The following DLG2 variants were observed in gnomAD, a reference collection of about 807,000 sequenced individuals.
The protein encoded by DLG2 is disks large homolog 2.
In DLG2, 45 loss-of-function variants were observed where a neutral mutation model predicts 132.5. The observed-to-expected ratio is 0.34, with a 90% CI of 0.27 to 0.44. DLG2 has a LOEUF of 0.44. Among genes scored for constraint, DLG2 ranks in the 20% least tolerant of loss-of-function variants. DLG2 has a pLI of 1.00. For missense variants in DLG2, 1,045 were observed against 1,196.9 expected, an observed-to-expected ratio of 0.87 and a Z score of 1.87; for synonymous variants, 424 against 419.6, an observed-to-expected ratio of 1.01 and a Z score of -0.13.
At chr11:84,726,767 C>T (rs1360344123) in intron 6 of DLG2, among the ~76,000 whole-genome samples, 2 of 152,152 alleles carry the variant, frequency 1.3e-5, no homozygotes. Context: ...ACATCCTCTC[C>T]AGCATCTGTT....
At chr11:83,553,498 G>C (rs953107367) in intron 19 of DLG2, among the ~76,000 whole-genome samples, 15 of 147,770 alleles carry the variant, frequency 1.0e-4, no homozygotes, top group African/African-American at 3.9e-4. Flanking sequence ...GTGTGTGTGT[G>C]TGTGTGTGTG....
chr11:84,515,313 AC>A (rs2099269449), intron 7 of DLG2, among the ~76,000 whole-genome samples: 1 of 141,360 alleles, frequency 7.1e-6, no homozygotes, highest in East Asian at 3.1e-4. Flanking sequence ...ACACACACAC[AC>A]ACCCCAAATA....
chr11:83,537,834 AAGAGAG>A (rs1491039391), intron 20 of DLG2, among the ~76,000 whole-genome samples: 1 of 110,744 alleles, frequency 9.0e-6, no homozygotes, highest in African/African-American at 4.0e-5. Context: ...AAAAAAAAAA[AAGAGAG>A]AGAGAGATAC....
intron 6 of DLG2, among the ~76,000 whole-genome samples, chr11:84,656,642 A>C (rs533369174): frequency 3.3e-5 from 5 of 152,260 alleles, no homozygotes; most frequent in African/African-American, 1.2e-4. Flanking sequence ...GTTGAATTTA[A>C]ACAATCTGGA....
intron 11 of DLG2, among the ~76,000 whole-genome samples, chr11:84,056,885 C>T (rs73513710): frequency 0.013 from 2,029 of 152,148 alleles, 41 homozygotes; most frequent in African/African-American, 0.044. Context: ...TCAGCATAAC[C>T]GCAACAGGCC....
At chr11:84,255,887 T>C (rs2097460959) in intron 7 of DLG2, among the ~76,000 whole-genome samples, 1 of 152,088 alleles carries the variant, frequency 6.6e-6, no homozygotes, top group African/African-American at 2.4e-5. Flanking sequence ...AAGCCTTTTT[T>C]TGTGTTGTTT....
intron 2 of DLG2, among the ~76,000 whole-genome samples, chr11:85,599,039 G>GC (rs989634040): frequency 1.7e-4 from 26 of 151,990 alleles, no homozygotes; most frequent in Non-Finnish European, 5.9e-5. Flanking sequence ...TTCAATCCTG[G>GC]CCACGATGTT....
chr11:83,874,252 G>A (rs1486070536), intron 16 of DLG2, among the ~76,000 whole-genome samples, 168 bp downstream of exon 16: 1 of 146,422 alleles, frequency 6.8e-6, no homozygotes, highest in Non-Finnish European at 1.5e-5. Context: ...AGAAGGGAAG[G>A]AAGGAAGGAA....
intron 7 of DLG2, among the ~76,000 whole-genome samples, chr11:84,286,898 A>T (rs1294759440): frequency 6.6e-6 from 1 of 152,200 alleles, no homozygotes; most frequent in Non-Finnish European, 1.5e-5. Context: ...CAGAGAGGAT[A>T]GTTAAGCGTA....
At chr11:85,058,168 G>A (rs1020775516) in intron 6 of DLG2, among the ~76,000 whole-genome samples, 5 of 151,440 alleles carry the variant, frequency 3.3e-5, no homozygotes, top group Middle Eastern at 3.5e-3. Flanking sequence ...ATCTATAGAC[G>A]AAGCATTAGA....
chr11:84,620,915 T>C (rs1335946521), intron 6 of DLG2, among the ~76,000 whole-genome samples: 1 of 152,128 alleles, frequency 6.6e-6, no homozygotes, highest in Non-Finnish European at 1.5e-5. Context: ...TTGTTTGCAG[T>C]AGCAAAAATT....
chr11:85,616,309 G>C (rs948473239), intron 2 of DLG2, among the ~76,000 whole-genome samples: 2 of 151,880 alleles, frequency 1.3e-5, no homozygotes, highest in African/African-American at 4.8e-5. Context: ...TATAGTAAGG[G>C]GGAAAAAAGC....
intron 6 of DLG2, among the ~76,000 whole-genome samples, chr11:85,035,742 T>C (rs1433469711): frequency 6.6e-6 from 1 of 152,066 alleles, no homozygotes; most frequent in Non-Finnish European, 1.5e-5. Context: ...GACCTGCAAA[T>C]CCCAAAATGA....
At chr11:84,231,588 G>T (rs1228800952) in intron 8 of DLG2, among the ~76,000 whole-genome samples, 1 of 152,174 alleles carries the variant, frequency 6.6e-6, no homozygotes, top group African/African-American at 2.4e-5. Context: ...TCAGGAAACT[G>T]GGAGAACTGT....
chr11:84,544,936 A>T (rs1439645498), intron 6 of DLG2, among the ~76,000 whole-genome samples: 1 of 152,076 alleles, frequency 6.6e-6, no homozygotes, highest in Non-Finnish European at 1.5e-5. Flanking sequence ...AACAATAATA[A>T]CCTGTTATAC....
intron 17 of DLG2, among the ~76,000 whole-genome samples, chr11:83,814,220 C>T (rs576897163): frequency 7.2e-5 from 11 of 152,132 alleles, no homozygotes; most frequent in African/African-American, 1.2e-4. Context: ...GCACATCAGA[C>T]GTATCAAAAA....
At chr11:85,468,099 G>T (rs1207506740) in intron 3 of DLG2, among the ~76,000 whole-genome samples, 1 of 152,184 alleles carries the variant, frequency 6.6e-6, no homozygotes, top group Non-Finnish European at 1.5e-5. Context: ...TATTTGTGTA[G>T]AGGTGTTTAT....
At chr11:84,430,455 G>GAAAAAAAAAAAAGAAAAGAA (rs11397729) in intron 7 of DLG2, among the ~76,000 whole-genome samples, 6 of 142,680 alleles carry the variant, frequency 4.2e-5, no homozygotes, top group Non-Finnish European at 7.6e-5. Flanking sequence ...AAAAAGAAAA[G>GAAAAAAAAAAAAGAAAAGAA]AAAAAAAAAA....
chr11:83,894,605 C>CT (rs1274293096), intron 15 of DLG2, among the ~76,000 whole-genome samples: 2 of 152,134 alleles, frequency 1.3e-5, no homozygotes, highest in African/African-American at 4.8e-5. Flanking sequence ...ATCAGGGTAA[C>CT]TGGGATATCT....
Sources: gnomAD v4.1 joint callset for allele counts (sites outside exome capture counted in the v4.1 genomes callset) on GRCh38, gnomAD v4.1.1 for gene constraint, MANE v1.5 for transcripts, NCBI Gene and HGNC (gene_info 2026-07-23, HGNC 2026-07-21) for gene names.